The following QRSL1 variants were observed in gnomAD, a reference collection of about 807,000 sequenced individuals.
QRSL1 encodes glutaminyl-tRNA amidotransferase subunit QRSL1.
QRSL1 carries 54 observed loss-of-function variants against 61.6 expected under a neutral mutation model. The observed-to-expected ratio is 0.88, with a 90% CI of 0.70 to 1.10. QRSL1 has a LOEUF of 1.10. Among genes scored for constraint, QRSL1 ranks in the 50% least tolerant of loss-of-function variants. The pLI is 0.00. For synonymous variants in QRSL1, 228 were observed against 225.7 expected (o/e 1.01, Z -0.09); for missense variants, 505 against 622.6 (o/e 0.81, Z 2.01).
At position 106,668,351 on chromosome 6, in the gene QRSL1, G is replaced by A. The variant is rs1487398341; in HGVS notation, c.*2349G>A. ...GTCTCATTTTGCCAAGTCACTGTCTGGGAATTTAAGTGGCAAATACTTTCT... is the reference window on the plus strand; with the variant it reads ...GTCTCATTTTGCCAAGTCACTGTCTAGGAATTTAAGTGGCAAATACTTTCT... On this transcript the variant is annotated 3_prime_UTR_variant, in exon 11 of 11. Coordinates refer to ENST00000369046, the MANE Select transcript of QRSL1 (RefSeq NM_018292.5). The A allele has an allele frequency of 1.3e-5, 2 of 151,696 alleles. No homozygotes were observed. Among genetic ancestry groups the A allele is most frequent in the Non-Finnish European group, 1.5e-5 (1 of 67,988 alleles). The allele number at this position is 151,696 out of a possible 1,614,324, so 9.4% of individuals were successfully genotyped here. A position where few individuals can be genotyped will look rare whatever the true frequency, so the allele number is the denominator to read the frequency against.
At chr6:106,664,394 A>G (rs1777402388) in intron 10 of QRSL1, among the ~76,000 whole-genome samples, 1 of 152,182 alleles carries the variant, frequency 6.6e-6, no homozygotes, top group Non-Finnish European at 1.5e-5. Context: ...TGAAGTACCA[A>G]GATTCTTTAT....
chr6:106,640,593 T>G (rs1202365017), intron 2 of QRSL1, 85 bp downstream of exon 2: 1 of 1,261,762 alleles, frequency 7.9e-7, no homozygotes, highest in East Asian at 2.5e-5. Context: ...CAAGTGAAGC[T>G]TTAAACATAA....
At chr6:106,663,499 A>G (rs1433795235) in intron 10 of QRSL1, among the ~76,000 whole-genome samples, 1 of 152,218 alleles carries the variant, frequency 6.6e-6, no homozygotes, top group African/African-American at 2.4e-5. Flanking sequence ...GGTGAAGGAG[A>G]AGTAGCCATG....
intron 4 of QRSL1, among the ~76,000 whole-genome samples, chr6:106,648,250 C>T (rs909612878): frequency 4.6e-5 from 7 of 151,612 alleles, no homozygotes; most frequent in East Asian, 3.9e-4. Flanking sequence ...GAGCCGAGAT[C>T]GCGCCACTGC....
Position 106,652,494 on chromosome 6 carries a change from A to G in QRSL1, c.761A>G (p.Asp254Gly), listed in dbSNP as rs148734046. The G allele has an allele frequency of 1.2e-6, 2 of 1,614,174 alleles. No homozygotes were observed. Among genetic ancestry groups the G allele is most frequent in the Non-Finnish European group, 1.7e-6 (2 of 1,180,034 alleles). Residue 254 changes from aspartate to glycine, a missense_variant, in exon 7 of 11, where the codon GAC becomes GGC. Asp to Gly is a moderately conservative substitution (Grantham distance 94). Transcript: ENST00000369046. Reference sequence around the variant, plus strand: ...GCACTGGCCGGACCTGACCCCAGGGACTCTACCACAGTACATGAACCTATT... The same window carrying G: ...GCACTGGCCGGACCTGACCCCAGGGGCTCTACCACAGTACATGAACCTATT... ...LGALAGPDPR[D>G]STTVHEPINK...
At chr6:106,652,861 T>A (rs1777210895) in intron 7 of QRSL1, 1 of 1,111,842 alleles carries the variant, frequency 9.0e-7, no homozygotes. Flanking sequence ...ATATTTTAGA[T>A]TTTGTGGACC....
At chr6:106,647,770 C>A (rs915434057) in intron 4 of QRSL1, among the ~76,000 whole-genome samples, 5 of 144,350 alleles carry the variant, frequency 3.5e-5, no homozygotes, top group African/African-American at 5.2e-5. Flanking sequence ...TCTGCCTCAG[C>A]CTCCCGAGTA....
rs778001168 is a variant in QRSL1, at chr6:106,665,858, G to T, written c.1443G>T (p.Ala481=). ...LPIGLQFIGR[A]FCDQQLLTVA... ...TAGGACTGCAGTTTATTGGACGTGC[G>T]TTTTGTGACCAGCAGCTTCTTACAG... The change falls in exon 11 of 11, where the codon GCG becomes GCT. Residue 481 remains alanine (A), a synonymous_variant. Transcript: ENST00000369046. 3 of 1,613,796 alleles carry T rather than the reference G, an allele frequency of 1.9e-6. No homozygotes were observed. In the Admixed American group the frequency reaches 5.0e-5, roughly 27 times the overall value.
At chr6:106,636,218 G>A (rs1776917215) in intron 1 of QRSL1, among the ~76,000 whole-genome samples, 1 of 151,750 alleles carries the variant, frequency 6.6e-6, no homozygotes, top group African/African-American at 2.4e-5. Flanking sequence ...CTTGTCCCAA[G>A]CATTTTGGAT....
chr6:106,636,539 C>G (rs918071615), intron 1 of QRSL1, among the ~76,000 whole-genome samples: 1 of 151,944 alleles, frequency 6.6e-6, no homozygotes, highest in Admixed American at 6.6e-5. Flanking sequence ...CAGGATGGTC[C>G]TGATCTCTTG....
chr6:106,647,172 A>T (rs935559370), intron 4 of QRSL1, among the ~76,000 whole-genome samples: 1 of 152,146 alleles, frequency 6.6e-6, no homozygotes, highest in Non-Finnish European at 1.5e-5. Context: ...TCTCAGAAAG[A>T]ACCGATATCC....
At chr6:106,653,023 C>T in intron 7 of QRSL1, 1 of 297,890 alleles carries the variant, frequency 3.4e-6, no homozygotes, top group Non-Finnish European at 6.2e-6. Flanking sequence ...CCATAGTTTG[C>T]CCATCCCTAA....
chr6:106,659,451 T>A (rs1777321094), intron 9 of QRSL1, among the ~76,000 whole-genome samples: 1 of 149,964 alleles, frequency 6.7e-6, no homozygotes, highest in African/African-American at 2.5e-5. Flanking sequence ...GGTGACGGAG[T>A]GAGACTCTGT....
At chr6:106,639,119 G>GTTTTTTTTTTTTTTTTTTTTTTTTTTTT (rs1177849683) in intron 1 of QRSL1, among the ~76,000 whole-genome samples, 1 of 122,798 alleles carries the variant, frequency 8.1e-6, no homozygotes, top group African/African-American at 3.3e-5. Flanking sequence ...GTGTTTTGTT[G>GTTTTTTTTTTTTTTTTTTTTTTTTTTTT]TTTTTTTTTT....
At chr6:106,657,705 A>G (rs1777293378) in intron 9 of QRSL1, among the ~76,000 whole-genome samples, 1 of 151,886 alleles carries the variant, frequency 6.6e-6, no homozygotes, top group African/African-American at 2.4e-5. Flanking sequence ...TGCCAGGAAG[A>G]GTTTATTTAT....
At position 106,640,342 on chromosome 6, in the gene QRSL1, A is replaced by G. The variant is rs2114702377; in HGVS notation, c.25-7A>G. 1 of 1,609,146 alleles carries G rather than the reference A, an allele frequency of 6.2e-7. No homozygotes were observed. The highest frequency in any genetic ancestry group is 8.5e-7 in the Non-Finnish European group (1 of 1,176,468). On this transcript the variant is annotated splice_polypyrimidine_tract_variant and splice_region_variant and intron_variant, in intron 1 of 10. Coordinates refer to ENST00000369046, the MANE Select transcript of QRSL1 (RefSeq NM_018292.5). ...AGTAAAAGGTTTTTGAATTGTATAC[A>G]CTATAGGTTTCTGCGGCACTGAAAC...
intron 1 of QRSL1, among the ~76,000 whole-genome samples, chr6:106,639,554 A>G (rs1776985070): frequency 6.6e-6 from 1 of 152,044 alleles, no homozygotes. Flanking sequence ...ATCTAATTCA[A>G]TTATCTTTTC....
intron 3 of QRSL1, chr6:106,642,586 G>A: frequency 1.3e-6 from 1 of 746,052 alleles, no homozygotes. Flanking sequence ...TCAAGGGAAT[G>A]GGTATTGTTC....
chr6:106,642,353 G>A (rs35767623), intron 3 of QRSL1: 191,369 of 351,790 alleles, frequency 0.54, 53,422 homozygotes, highest in Non-Finnish European at 0.6. Context: ...ACCCCGCCCC[G>A]CCGACTCTTG....
Sources: gnomAD v4.1 joint callset for allele counts (sites outside exome capture counted in the v4.1 genomes callset) on GRCh38, gnomAD v4.1.1 for gene constraint, MANE v1.5 for transcripts, NCBI Gene and HGNC (gene_info 2026-07-23, HGNC 2026-07-21) for gene names.